SENP1: variants seen among roughly 807,000 people sequenced by gnomAD.
SENP1 encodes sentrin-specific protease 1.
In SENP1, 21 loss-of-function variants were observed where a neutral mutation model predicts 93.0. That is an observed-to-expected ratio of 0.23 (90% CI 0.16 to 0.33). The LOEUF is 0.33. Ranked by LOEUF, SENP1 falls within the 10% of genes least tolerant of loss-of-function variation. The pLI is 1.00. For missense variants in SENP1, 591 were observed against 758.7 expected (o/e 0.78, Z 2.60); for synonymous variants, 256 against 259.6 (o/e 0.99, Z 0.13).
At chr12:48,056,149 ATT>A (rs1942282151) in intron 13 of SENP1, among the ~76,000 whole-genome samples, 1 of 40,314 alleles carries the variant, frequency 2.5e-5, no homozygotes, top group African/African-American at 1.1e-4. Flanking sequence ...TATATATATT[ATT>A]TAATATATAG....
At chr12:48,088,519 G>C (rs1945029926) in intron 5 of SENP1, 2 of 366,824 alleles carry the variant, frequency 5.5e-6, no homozygotes, top group African/African-American at 4.3e-5. Context: ...TTCACTTTAA[G>C]ATTTGCAAGA....
chr12:48,051,123 T>C (rs561970134), intron 13 of SENP1, among the ~76,000 whole-genome samples: 60 of 151,966 alleles, frequency 3.9e-4, no homozygotes, highest in Admixed American at 3.5e-3. Context: ...TGTCATGCTA[T>C]ACATCACTAT....
intron 13 of SENP1, among the ~76,000 whole-genome samples, chr12:48,057,940 T>TG (rs1942677721): frequency 8.9e-6 from 1 of 112,306 alleles, no homozygotes; most frequent in Admixed American, 1.0e-4. Context: ...TTTTATTTCC[T>TG]CTTTTTTTTT....
Position 48,063,774 on chromosome 12 carries a change from A to G in SENP1, c.1343T>C (p.Phe448Ser). 6.2e-7 allele frequency: 1 copy of G among 1,613,320 alleles called. No individual in the cohort carries two copies. Among genetic ancestry groups the G allele is most frequent in the Non-Finnish European group, 8.5e-7 (1 of 1,179,504 alleles). ...ATCTTTGCGTGTAATGGTCAGGCGA[A>G]ATGCTTCACTGAGAACTTCATCCTG... Reference protein sequence around the residue: ...GNQDEVLSEAFRLTITRKDIQ... With the variant: ...GNQDEVLSEASRLTITRKDIQ... The change falls in exon 13 of 18, where the codon TTT becomes TCT. Residue 448 changes from phenylalanine (F) to serine (S), a missense_variant. Transcript: ENST00000549518.
chr12:48,102,238 C>T (rs1435543564), intron 1 of SENP1, among the ~76,000 whole-genome samples: 2 of 152,020 alleles, frequency 1.3e-5, no homozygotes, highest in African/African-American at 4.8e-5. Context: ...TGGAGGCCAG[C>T]CTGGCCAACA....
chr12:48,086,650 A>G (rs1040268356), intron 5 of SENP1, among the ~76,000 whole-genome samples: 1 of 152,212 alleles, frequency 6.6e-6, no homozygotes, highest in Admixed American at 6.5e-5. Context: ...TAAAAAATAC[A>G]GGTGATTTTT....
In SENP1 at chr12:48,043,471, A is replaced by G. The variant is rs1204630616; in HGVS notation, c.*1851T>C. 1 of 152,680 alleles carries G rather than the reference A, an allele frequency of 6.5e-6. No individual in the cohort carries two copies. The highest frequency in any genetic ancestry group is 1.5e-5 in the Non-Finnish European group (1 of 68,048). The allele number at this position is 152,680 out of a possible 1,614,324, so 9.5% of individuals were successfully genotyped here. A position where few individuals can be genotyped will look rare whatever the true frequency, so the allele number is the denominator to read the frequency against. On this transcript the variant is annotated 3_prime_UTR_variant, in exon 18 of 18. Transcript: ENST00000549518. ...TTTCAAGTTGTTGCTTACATACAGT[A>G]AATACCAAGAACCAGACAATATTCC...
intron 8 of SENP1, among the ~76,000 whole-genome samples, chr12:48,074,016 C>G (rs1010022059): frequency 6.6e-6 from 1 of 152,144 alleles, no homozygotes; most frequent in Non-Finnish European, 1.5e-5. Flanking sequence ...AGTTCAGTAT[C>G]CCTTATCCAA....
rs1942384171 is a variant in SENP1, at chr12:48,056,476, T to TATTTAATATATTACATATTACATATATA, written c.1407+7206_1407+7233dup. ...TTACATATTACATATATAAATATATTATTTAATATATTACATATTACATAT... is the reference window on the plus strand; with the variant it reads ...TTACATATTACATATATAAATATATTATTTAATATATTACATATTACATATATAATTTAATATATTACATATTACATAT... On this transcript the variant is annotated intron_variant, in intron 13 of 17. Transcript: ENST00000549518. 3.1e-5 allele frequency among the ~76,000 whole-genome samples: 2 copies of TATTTAATATATTACATATTACATATATA among 65,554 alleles called. 1 individual carries two copies. Among genetic ancestry groups the TATTTAATATATTACATATTACATATATA allele is most frequent in the African/African-American group, 2.3e-4 (2 of 8,524 alleles). The allele number at this position is 65,554 out of a possible 152,430, so 43.0% of individuals were successfully genotyped here.
At chr12:48,062,166 T>TA in intron 13 of SENP1, among the ~76,000 whole-genome samples, 1 of 152,152 alleles carries the variant, frequency 6.6e-6, no homozygotes, top group Non-Finnish European at 1.5e-5. Context: ...ATTGCTGCCC[T>TA]CTAGGAGGTT....
At position 48,065,098 on chromosome 12, in the gene SENP1, A is replaced by C; in HGVS notation, c.1242T>G (p.Thr414=). The C allele has an allele frequency of 6.2e-7, 1 of 1,605,130 alleles. No homozygotes were observed. Among genetic ancestry groups the C allele is most frequent in the Non-Finnish European group, 8.5e-7 (1 of 1,171,992 alleles). ...QETQKKGHKL[T]DSEDEFPEIT... Reference sequence around the variant, plus strand: ...TTTCAGGAAATTCATCTTCACTATCAGTTAATTTATGACCTTTTTTTTGTG... The same window carrying C: ...TTTCAGGAAATTCATCTTCACTATCCGTTAATTTATGACCTTTTTTTTGTG... The change falls in exon 12 of 18, where the codon ACT becomes ACG. Residue 414 remains threonine (T), a synonymous_variant. Coordinates refer to ENST00000549518, the MANE Select transcript of SENP1 (RefSeq NM_001267594.2).
At chr12:48,095,781 G>A (rs1473217333) in intron 4 of SENP1, among the ~76,000 whole-genome samples, 1 of 152,128 alleles carries the variant, frequency 6.6e-6, no homozygotes, top group Non-Finnish European at 1.5e-5. Flanking sequence ...GATAAGTCAG[G>A]CAGGTCACAG....
At chr12:48,074,986 C>A (rs1592382533) in intron 6 of SENP1, among the ~76,000 whole-genome samples, 193 bp from the exon 7 acceptor site, 1 of 151,936 alleles carries the variant, frequency 6.6e-6, no homozygotes, top group South Asian at 2.1e-4. Context: ...CGGGGAGGAT[C>A]ATTTGAGGCT....
rs866088402 is a variant in SENP1, at chr12:48,056,574, T to C, written c.1407+7136A>G. On this transcript the variant is annotated intron_variant, in intron 13 of 17. Coordinates refer to ENST00000549518, the MANE Select transcript of SENP1 (RefSeq NM_001267594.2). ...ATATTACATATATAAATATATTATT[T>C]AATATATTACATATATAAATATATT... Among the ~76,000 whole-genome samples, 94 of 64,034 alleles carry C rather than the reference T, an allele frequency of 1.5e-3. 10 individuals carry two copies. Among genetic ancestry groups the C allele is most frequent in the Middle Eastern group, 0.023 (1 of 44 alleles). The allele number at this position is 64,034 out of a possible 152,430, so 42.0% of individuals were successfully genotyped here.
intron 5 of SENP1, chr12:48,088,552 C>T: frequency 4.4e-6 from 2 of 455,648 alleles, no homozygotes; most frequent in East Asian, 4.2e-5. Flanking sequence ...TTGAAGGCTC[C>T]CAATATTCTC....
At chr12:48,058,932 G>T (rs1255931271) in intron 13 of SENP1, among the ~76,000 whole-genome samples, 2 of 152,192 alleles carry the variant, frequency 1.3e-5, no homozygotes, top group African/African-American at 2.4e-5. Flanking sequence ...TTCTTCTGCA[G>T]TACTTCAAAG....
In SENP1 at chr12:48,045,301, G is replaced by A; in HGVS notation, c.*21C>T. ...AGAGCTGGTCCCCCACATGGTCAAG[G>A]TCTGCTAAGTGAGACAGTCTTCACA... On this transcript the variant is annotated 3_prime_UTR_variant, in exon 18 of 18. Transcript: ENST00000549518. 6.2e-7 allele frequency: 1 copy of A among 1,608,026 alleles called. No homozygotes were observed. The highest frequency in any genetic ancestry group is 8.5e-7 in the Non-Finnish European group (1 of 1,174,758).
At chr12:48,057,440 G>A (rs1942624722) in intron 13 of SENP1, among the ~76,000 whole-genome samples, 1 of 148,362 alleles carries the variant, frequency 6.7e-6, no homozygotes, top group African/African-American at 2.5e-5. Flanking sequence ...ATGTTGGTCA[G>A]GCCGGTCTCA....
At chr12:48,073,843 C>CT (rs1443328322) in intron 8 of SENP1, among the ~76,000 whole-genome samples, 4 of 152,190 alleles carry the variant, frequency 2.6e-5, no homozygotes, top group African/African-American at 9.7e-5. Context: ...AGTATATATA[C>CT]TTTGACTCTA....
Sources: gnomAD v4.1 joint callset for allele counts (sites outside exome capture counted in the v4.1 genomes callset) on GRCh38, gnomAD v4.1.1 for gene constraint, MANE v1.5 for transcripts, NCBI Gene and HGNC (gene_info 2026-07-23, HGNC 2026-07-21) for gene names.